PTPRT: variants seen among roughly 807,000 people sequenced by gnomAD.
The protein encoded by PTPRT is protein tyrosine phosphatase receptor type T.
PTPRT carries 56 observed loss-of-function variants against 176.8 expected under a neutral mutation model. The observed-to-expected ratio is 0.32, with a 90% confidence interval of 0.26 to 0.40. PTPRT has a LOEUF of 0.40. Ranked by LOEUF, PTPRT falls within the 10% of genes least tolerant of loss-of-function variation. The pLI is 1.00. For synonymous variants in PTPRT, 783 were observed against 739.0 expected, an observed-to-expected ratio of 1.06 and a Z score of -0.96; for missense variants, 1,540 against 1,908.2, an observed-to-expected ratio of 0.81 and a Z score of 3.60.
intron 1 of PTPRT, among the ~76,000 whole-genome samples, chr20:42,955,087 C>G (rs1438027139): frequency 6.6e-6 from 1 of 152,062 alleles, no homozygotes; most frequent in African/African-American, 2.4e-5. Flanking sequence ...CACTCTATCC[C>G]CCTCTTAGTG....
chr20:42,216,651 A>C (rs552210471), intron 15 of PTPRT, among the ~76,000 whole-genome samples: 1 of 152,228 alleles, frequency 6.6e-6, no homozygotes, highest in Non-Finnish European at 1.5e-5. Flanking sequence ...AGCTTTAAAC[A>C]TGTTTATGGA....
At chr20:43,132,284 T>A (rs1034241625) in intron 1 of PTPRT, among the ~76,000 whole-genome samples, 1 of 152,132 alleles carries the variant, frequency 6.6e-6, no homozygotes, top group Non-Finnish European at 1.5e-5. Context: ...AAAACTAAGA[T>A]TTCAGTAGGT....
intron 11 of PTPRT, among the ~76,000 whole-genome samples, chr20:42,327,215 A>G (rs1276584009): frequency 6.6e-6 from 1 of 152,028 alleles, no homozygotes; most frequent in Non-Finnish European, 1.5e-5. Context: ...AAATTCCATA[A>G]TTATGAGATG....
chr20:42,731,901 G>A (rs1311562731), intron 6 of PTPRT, among the ~76,000 whole-genome samples: 4 of 152,026 alleles, frequency 2.6e-5, no homozygotes, highest in Non-Finnish European at 5.9e-5. Context: ...TCTTTAAATG[G>A]CTGACATCTT....
chr20:42,243,788 C>T (rs913094031), intron 14 of PTPRT, among the ~76,000 whole-genome samples: 3 of 152,260 alleles, frequency 2.0e-5, no homozygotes, highest in Non-Finnish European at 2.9e-5. Flanking sequence ...AAACGTTCAC[C>T]AACTCACGTG....
intron 5 of PTPRT, among the ~76,000 whole-genome samples, chr20:42,765,866 A>T (rs1450942856): frequency 2.0e-5 from 3 of 152,162 alleles, no homozygotes; most frequent in Admixed American, 6.5e-5. Context: ...TTACTTAATC[A>T]GTCTCTTTTG....
chr20:43,149,460 G>C (rs1359738835), intron 1 of PTPRT, among the ~76,000 whole-genome samples: 1 of 152,210 alleles, frequency 6.6e-6, no homozygotes, highest in Non-Finnish European at 1.5e-5. Flanking sequence ...GGAGGTATTT[G>C]AGAAGGCCTG....
chr20:42,618,813 T>C (rs1411636350), intron 7 of PTPRT, among the ~76,000 whole-genome samples: 1 of 135,894 alleles, frequency 7.4e-6, no homozygotes, highest in Non-Finnish European at 1.6e-5. Flanking sequence ...CTCCATCCTT[T>C]TATTTTGAGC....
At chr20:42,410,884 C>T (rs544808994) in intron 9 of PTPRT, among the ~76,000 whole-genome samples, 25 of 152,240 alleles carry the variant, frequency 1.6e-4, no homozygotes, top group South Asian at 4.1e-4. Flanking sequence ...AAAACTAAAA[C>T]GCATCATGTC....
rs144483146 is a variant in PTPRT, at chr20:42,954,547, T to A, written c.89-68615A>T. Among the ~76,000 whole-genome samples the A allele has an allele frequency of 1.9e-3, 282 of 152,328 alleles. 1 individual carries two copies. The highest frequency in any genetic ancestry group is 6.4e-3 in the African/African-American group (265 of 41,574). On this transcript the variant is annotated intron_variant, in intron 1 of 30. Coordinates refer to ENST00000373187, the MANE Select transcript of PTPRT (RefSeq NM_007050.6). ...AAGTTCCAGAAAGGCAAGCACAGCA[T>A]GTTATCCACATCTTCAGCAGTAAGT...
chr20:42,433,142 G>C (rs1397126570), intron 9 of PTPRT, among the ~76,000 whole-genome samples: 2 of 152,162 alleles, frequency 1.3e-5, no homozygotes, highest in Non-Finnish European at 2.9e-5. Context: ...GGGATACAGT[G>C]TGTGGGAAGT....
intron 11 of PTPRT, among the ~76,000 whole-genome samples, chr20:42,322,880 C>T (rs1197886496): frequency 6.6e-6 from 1 of 151,982 alleles, no homozygotes; most frequent in Non-Finnish European, 1.5e-5. Context: ...GGCTAATATC[C>T]AGAATCTACA....
intron 1 of PTPRT, among the ~76,000 whole-genome samples, chr20:43,078,001 T>C (rs1373019368): frequency 1.3e-5 from 2 of 152,200 alleles, no homozygotes; most frequent in African/African-American, 4.8e-5. Flanking sequence ...AGATACACCA[T>C]TAGATGCTCC....
intron 7 of PTPRT, among the ~76,000 whole-genome samples, chr20:42,609,337 G>A (rs1356730400): frequency 6.6e-6 from 1 of 152,112 alleles, no homozygotes; most frequent in East Asian, 1.9e-4. Context: ...GCCTCCCAAA[G>A]TGCTGGGATT....
rs2076063367 is a variant in PTPRT at position 42,706,582 on chromosome 20, A to AT, written c.860-28424dup. On this transcript the variant is annotated intron_variant, in intron 6 of 30. Coordinates refer to ENST00000373187, the MANE Select transcript of PTPRT (RefSeq NM_007050.6). ...ACATAGGCATCTCAGCACCTGGCAC[A>AT]TAGCAGTCATTTTAAAAATTTAGTT... Among the ~76,000 whole-genome samples, 4 of 152,224 alleles carry AT rather than the reference A, an allele frequency of 2.6e-5. No homozygotes were observed. In the South Asian group the frequency reaches 8.3e-4, roughly 31 times the overall value.
At chr20:43,019,572 T>C (rs1422666581) in intron 1 of PTPRT, among the ~76,000 whole-genome samples, 7 of 137,680 alleles carry the variant, frequency 5.1e-5, no homozygotes, top group Non-Finnish European at 1.1e-4. Flanking sequence ...TGAGCTGAGA[T>C]CACACCACTG....
At chr20:42,259,363 T>C (rs888173823) in intron 13 of PTPRT, among the ~76,000 whole-genome samples, 1 of 152,264 alleles carries the variant, frequency 6.6e-6, no homozygotes, top group East Asian at 1.9e-4. Context: ...GACTTATTTA[T>C]GAGCAGTCAT....
chr20:42,605,521 C>T (rs544475921), intron 7 of PTPRT, among the ~76,000 whole-genome samples: 30 of 152,326 alleles, frequency 2.0e-4, no homozygotes, highest in African/African-American at 7.2e-4. Flanking sequence ...GCCTCAGCCT[C>T]AGCCATCGAT....
intron 6 of PTPRT, among the ~76,000 whole-genome samples, chr20:42,719,914 G>A (rs1357132146): frequency 6.6e-6 from 1 of 152,194 alleles, no homozygotes; most frequent in Non-Finnish European, 1.5e-5. Flanking sequence ...CAAAGAAGTG[G>A]TAGATGAAGC....
Sources: gnomAD v4.1 joint callset for allele counts (sites outside exome capture counted in the v4.1 genomes callset) on GRCh38, gnomAD v4.1.1 for gene constraint, MANE v1.5 for transcripts, NCBI Gene and HGNC (gene_info 2026-07-23, HGNC 2026-07-21) for gene names.